RCAN2: variants seen among roughly 807,000 people sequenced by gnomAD.
The protein encoded by RCAN2 is calcipressin-2.
RCAN2 carries 9 observed loss-of-function variants against 23.6 expected under a neutral mutation model. The observed-to-expected ratio is 0.38, with a 90% confidence interval of 0.23 to 0.67. The LOEUF is 0.67. RCAN2 is among the 30% of genes least tolerant of loss of function. The pLI, the probability that RCAN2 is intolerant of heterozygous loss-of-function variation, is 0.51. For missense variants in RCAN2, 273 were observed against 302.3 expected (o/e 0.90, Z 0.72); for synonymous variants, 109 against 115.7 (o/e 0.94, Z 0.37).
intron 2 of RCAN2, among the ~76,000 whole-genome samples, chr6:46,306,680 T>C (rs115542086): frequency 2.1e-3 from 316 of 152,230 alleles, no homozygotes; most frequent in African/African-American, 6.4e-3. Context: ...TATTTTGGAA[T>C]TGCAGCATCA....
At chr6:46,491,634 C>A (rs1234243366), upstream of RCAN2, among the ~76,000 whole-genome samples, 1 of 152,064 alleles carries the variant, frequency 6.6e-6, no homozygotes. Context: ...ACCTCCGGGG[C>A]TCTCACCCTG....
At chr6:46,234,957 G>A (rs1048618383) in intron 4 of RCAN2, among the ~76,000 whole-genome samples, 2 of 152,126 alleles carry the variant, frequency 1.3e-5, no homozygotes, top group East Asian at 3.9e-4. Context: ...CTAGGGGCTG[G>A]GAAACTTGGT....
At position 46,246,818 on chromosome 6, in the gene RCAN2, C is replaced by G; in HGVS notation, c.501G>C (p.Trp167Cys). 6.2e-7 allele frequency: 1 copy of G among 1,613,360 alleles called. No individual in the cohort carries two copies. Residue 167 changes from tryptophan (W) to cysteine (C), a missense_variant, in exon 4 of 5, where the codon TGG becomes TGC. By Grantham distance (215) the Trp-to-Cys change is radical. Coordinates refer to ENST00000371374, the MANE Select transcript of RCAN2 (RefSeq NM_001251974.2). ...CTGGCGTGGCATCGTTGATGGGCTG[C>G]CAGCCAACAGGTGGGGAGGAAGGGG... ...ISPPSSPPVG[W>C]QPINDATPVL...
chr6:46,246,928 T>C lies in RCAN2; in HGVS notation c.400-9A>G. 1.3e-6 allele frequency: 2 copies of C among 1,527,064 alleles called. No individual in the cohort carries two copies. The highest frequency in any genetic ancestry group is 2.6e-5 in the South Asian group (2 of 78,180). 94.6% of individuals were successfully genotyped at this position (1,527,064 alleles called of 1,614,324 possible). On this transcript the variant is annotated splice_polypyrimidine_tract_variant and intron_variant, in intron 3 of 4. Transcript: ENST00000371374. Reference sequence around the variant, plus strand: ...GTCTCTGGAGTCTGAACCTTTCAAATAGAGTAGAGATGAAGAAACTTATTC... The same window carrying C: ...GTCTCTGGAGTCTGAACCTTTCAAACAGAGTAGAGATGAAGAAACTTATTC...
chr6:46,468,478 C>A (rs1008650989), intron 1 of RCAN2, among the ~76,000 whole-genome samples: 4 of 152,302 alleles, frequency 2.6e-5, no homozygotes, highest in African/African-American at 9.6e-5. Context: ...GAGGTCCAAC[C>A]CCACCACAGC....
At chr6:46,333,430 C>A (rs529992990) in intron 2 of RCAN2, among the ~76,000 whole-genome samples, 1 of 152,196 alleles carries the variant, frequency 6.6e-6, no homozygotes, top group South Asian at 2.1e-4. Context: ...GCAATTAGTC[C>A]CCATTTGGAT....
chr6:46,392,743 T>C (rs946061998), intron 2 of RCAN2, among the ~76,000 whole-genome samples: 1 of 152,150 alleles, frequency 6.6e-6, no homozygotes, highest in Non-Finnish European at 1.5e-5. Flanking sequence ...ATGGGCTCTG[T>C]CAAAAAGTAG....
intron 2 of RCAN2, among the ~76,000 whole-genome samples, chr6:46,425,941 C>A (rs1007337495): frequency 1.5e-3 from 225 of 149,532 alleles, no homozygotes; most frequent in African/African-American, 4.7e-3. Flanking sequence ...CCTTGTCACC[C>A]AGGCCGGAGT....
At chr6:46,294,907 A>T (rs989919550) in intron 2 of RCAN2, among the ~76,000 whole-genome samples, 1 of 152,192 alleles carries the variant, frequency 6.6e-6, no homozygotes, top group Admixed American at 6.6e-5. Flanking sequence ...ATATTAATTT[A>T]TCTGTAATAT....
intron 2 of RCAN2, among the ~76,000 whole-genome samples, chr6:46,352,685 T>A (rs2150378966): frequency 6.6e-6 from 1 of 152,198 alleles, no homozygotes; most frequent in African/African-American, 2.4e-5. Context: ...TAAGTAAAAT[T>A]CCCCTGGGAG....
intron 2 of RCAN2, among the ~76,000 whole-genome samples, chr6:46,374,483 C>T (rs564619473): frequency 6.6e-6 from 1 of 152,174 alleles, no homozygotes; most frequent in East Asian, 1.9e-4. Flanking sequence ...AATTATATTG[C>T]CATTGTGATG....
intron 1 of RCAN2, among the ~76,000 whole-genome samples, chr6:46,474,497 G>T (rs1768656469): frequency 6.6e-6 from 1 of 152,160 alleles, no homozygotes; most frequent in Non-Finnish European, 1.5e-5. Flanking sequence ...TAGCAGCTCA[G>T]TTAAGAGTTG....
chr6:46,409,535 T>G (rs929835328), intron 2 of RCAN2, among the ~76,000 whole-genome samples: 22 of 152,164 alleles, frequency 1.4e-4, no homozygotes, highest in African/African-American at 4.8e-4. Flanking sequence ...AAGAAAGGCA[T>G]CTGCAGTTTG....
chr6:46,444,201 G>T (rs966866819), intron 2 of RCAN2, among the ~76,000 whole-genome samples: 20 of 152,178 alleles, frequency 1.3e-4, no homozygotes, highest in African/African-American at 4.8e-4. Context: ...CCTGAGTCAA[G>T]ACAAACGTGC....
intron 2 of RCAN2, among the ~76,000 whole-genome samples, chr6:46,345,593 C>T (rs1222206684): frequency 3.3e-5 from 5 of 152,046 alleles, no homozygotes; most frequent in Non-Finnish European, 7.4e-5. Context: ...CATGGGGGTT[C>T]CTGAAACCCT....
chr6:46,292,727 TA>T (rs1175997813), intron 2 of RCAN2, among the ~76,000 whole-genome samples: 1 of 152,194 alleles, frequency 6.6e-6, no homozygotes, highest in African/African-American at 2.4e-5. Context: ...TTTATTTATT[TA>T]TTTTTTTATT....
In RCAN2 at chr6:46,221,017, G is replaced by A. The variant is rs889534079; in HGVS notation, c.*2124C>T. On this transcript the variant is annotated 3_prime_UTR_variant, in exon 5 of 5. Coordinates refer to ENST00000371374, the MANE Select transcript of RCAN2 (RefSeq NM_001251974.2). ...CCCCCCTCCCCAAACCCAACCTAGT[G>A]AAAGAATTACTTGATCTGAGACAGG... 5.2e-5 allele frequency: 8 copies of A among 152,430 alleles called. No homozygotes were observed. Among genetic ancestry groups the A allele is most frequent in the African/African-American group, 1.9e-4 (8 of 41,386 alleles). The allele number at this position is 152,430 out of a possible 1,614,324, so 9.4% of individuals were successfully genotyped here. A position where few individuals can be genotyped will look rare whatever the true frequency, so the allele number is the denominator to read the frequency against.
At chr6:46,441,316 C>A (rs1767538042) in intron 2 of RCAN2, among the ~76,000 whole-genome samples, 1 of 152,122 alleles carries the variant, frequency 6.6e-6, no homozygotes, top group South Asian at 2.1e-4. Flanking sequence ...ATTGTCAAGG[C>A]AGGATTTGGA....
intron 2 of RCAN2, among the ~76,000 whole-genome samples, chr6:46,305,094 T>C (rs1305706407): frequency 6.6e-6 from 1 of 152,102 alleles, no homozygotes; most frequent in Non-Finnish European, 1.5e-5. Flanking sequence ...TCTGATTATC[T>C]TCATGCAGTT....
Sources: allele counts gnomAD v4.1 joint callset (sites outside exome capture counted in the v4.1 genomes callset), GRCh38; gene constraint gnomAD v4.1.1; transcripts MANE v1.5; gene names NCBI Gene and HGNC (gene_info 2026-07-23, HGNC 2026-07-21).